The following PRKN variants were observed in gnomAD, a reference collection of about 807,000 sequenced individuals.
The protein encoded by PRKN is E3 ubiquitin-protein ligase parkin.
A neutral mutation model predicts 59.5 loss-of-function variants in PRKN; 56 were observed. That is an observed-to-expected ratio of 0.94 (90% CI 0.76 to 1.18). PRKN has a LOEUF of 1.18. Among genes scored for constraint, PRKN ranks in the 50% most tolerant of loss-of-function variants. The pLI, the probability that PRKN is intolerant of heterozygous loss-of-function variation, is 0.00. For synonymous variants in PRKN, 250 were observed against 222.1 expected (o/e 1.13, Z -1.12); for missense variants, 657 against 596.4 (o/e 1.10, Z -1.06).
chr6:162,095,356 G>A (rs549458667), intron 4 of PRKN, among the ~76,000 whole-genome samples: 1 of 152,268 alleles, frequency 6.6e-6, no homozygotes, highest in South Asian at 2.1e-4. Context: ...CCTTTGAGGG[G>A]AAGGTGCTTA....
chr6:162,077,029 A>G (rs924564212), intron 4 of PRKN, among the ~76,000 whole-genome samples: 2 of 152,070 alleles, frequency 1.3e-5, no homozygotes, highest in African/African-American at 4.8e-5. Context: ...GTGTCACTTC[A>G]GTCAGAGGGA....
intron 9 of PRKN, among the ~76,000 whole-genome samples, chr6:161,514,268 T>C (rs548967567): frequency 6.6e-6 from 1 of 152,252 alleles, no homozygotes; most frequent in Admixed American, 6.5e-5. Flanking sequence ...TTTATCCAAC[T>C]GGGCAAGGAC....
chr6:162,271,491 C>T (rs1453987904), intron 2 of PRKN: 1 of 150,782 alleles, frequency 6.6e-6, no homozygotes, highest in African/African-American at 2.4e-5. Flanking sequence ...TGCAGTGAAC[C>T]AAGATCGCAC....
rs758294050 is a variant in PRKN at position 161,766,314 on chromosome 6, A to ATTTTTTT, written c.871+19451_871+19457dup. Among the ~76,000 whole-genome samples, 391 of 139,628 alleles carry ATTTTTTT rather than the reference A, an allele frequency of 2.8e-3. 33 individuals are homozygous for ATTTTTTT. The highest frequency in any genetic ancestry group is 8.9e-3 in the East Asian group (42 of 4,732). 91.6% of individuals were successfully genotyped at this position (139,628 alleles called of 152,430 possible). A position where few individuals can be genotyped will look rare whatever the true frequency, so the allele number is the denominator to read the frequency against. On this transcript the variant is annotated intron_variant, in intron 7 of 11. Transcript: ENST00000366898. ...ACTTATGCCTGCTGTCATTGACCAC[A>ATTTTTTT]TTTTTTTTTTTTTAGACAGAGTCTC...
chr6:161,954,919 A>G (rs908838742), intron 6 of PRKN, among the ~76,000 whole-genome samples: 8 of 152,162 alleles, frequency 5.3e-5, no homozygotes, highest in East Asian at 1.9e-4. Flanking sequence ...TCAAAATCCA[A>G]TGGAAAAGAG....
chr6:161,999,621 A>G lies in PRKN; in HGVS notation c.619-26204T>C, dbSNP rs542906559. Among the ~76,000 whole-genome samples the G allele has an allele frequency of 3.9e-5, 6 of 152,220 alleles. No homozygotes were observed. In the East Asian group the frequency reaches 1.2e-3, roughly 29 times the overall value. On this transcript the variant is annotated intron_variant, in intron 5 of 11. Transcript: ENST00000366898. ...ACAATGCCCGAGCCAAGAAGGTGGC[A>G]AGAGGTGAGGAGTGATTGCACTATG...
chr6:161,348,989 G>T lies in PRKN; in HGVS notation c.*1110C>A, dbSNP rs1784425006. The T allele has an allele frequency of 4.9e-6, 1 of 205,118 alleles. No individual in the cohort carries two copies. Among genetic ancestry groups the T allele is most frequent in the Admixed American group, 6.0e-5 (1 of 16,786 alleles). The allele number at this position is 205,118 out of a possible 1,614,324, so 12.7% of individuals were successfully genotyped here. A position where few individuals can be genotyped will look rare whatever the true frequency, so the allele number is the denominator to read the frequency against. ...GTCCTAAGAGAAGGTCTCTCCTGGG[G>T]AACCCCTGGTATGCAGAGCTCCCTG... On this transcript the variant is annotated 3_prime_UTR_variant, in exon 12 of 12. Coordinates refer to ENST00000366898, the MANE Select transcript of PRKN (RefSeq NM_004562.3). The surrounding 1 kb of genome is among the most constrained non-coding windows in gnomAD (Gnocchi z 4.9).
chr6:161,768,392 G>A (rs1168370764), intron 7 of PRKN, among the ~76,000 whole-genome samples: 1 of 152,116 alleles, frequency 6.6e-6, no homozygotes, highest in Non-Finnish European at 1.5e-5. Context: ...ATAGGTAGCA[G>A]CAACGTAACT....
In PRKN at chr6:162,487,693, G is replaced by T. The variant is rs547428826; in HGVS notation, c.8-44220C>A. On this transcript the variant is annotated intron_variant, in intron 1 of 11. Coordinates refer to ENST00000366898, the MANE Select transcript of PRKN (RefSeq NM_004562.3). ...GACCAGAATTTTTTTTTTAAGTGAAGAATTCAACATAGAAACAACTATTAT... is the reference window on the plus strand; with the variant it reads ...GACCAGAATTTTTTTTTTAAGTGAATAATTCAACATAGAAACAACTATTAT... 2.6e-5 allele frequency among the ~76,000 whole-genome samples: 4 copies of T among 152,078 alleles called. No individual in the cohort carries two copies. In the South Asian group the frequency reaches 8.3e-4, roughly 32 times the overall value.
intron 7 of PRKN, among the ~76,000 whole-genome samples, chr6:161,666,956 C>A (rs907554266): frequency 1.8e-4 from 27 of 152,134 alleles, no homozygotes; most frequent in African/African-American, 5.8e-4. Flanking sequence ...TGTGCAAGAG[C>A]CAGGCACATG....
intron 3 of PRKN, among the ~76,000 whole-genome samples, chr6:162,209,656 A>AATGTGTCTTTGC (rs1785108570): frequency 1.3e-5 from 2 of 152,186 alleles, no homozygotes; most frequent in Admixed American, 1.3e-4. Context: ...ACACACGCAC[A>AATGTGTCTTTGC]TGTTTGCTTA....
chr6:162,639,513 AATAAACT>A (rs1777880063), intron 1 of PRKN, among the ~76,000 whole-genome samples: 1 of 152,142 alleles, frequency 6.6e-6, no homozygotes, highest in African/African-American at 2.4e-5. Flanking sequence ...CCAACAGGGC[AATAAACT>A]ATAATTTTTA....
chr6:161,496,233 G>A (rs767608050), intron 9 of PRKN, among the ~76,000 whole-genome samples: 8 of 152,180 alleles, frequency 5.3e-5, no homozygotes, highest in Non-Finnish European at 7.3e-5. Flanking sequence ...TGGGAGGATC[G>A]AGTGGCCTGA....
chr6:162,398,406 T>TTTC (rs1787590673), intron 2 of PRKN, among the ~76,000 whole-genome samples: 2 of 152,074 alleles, frequency 1.3e-5, no homozygotes, highest in Non-Finnish European at 2.9e-5. Flanking sequence ...TTTTTTTTTT[T>TTTC]TGAGACAGAG....
chr6:162,077,674 G>A (rs1441027573), intron 4 of PRKN, among the ~76,000 whole-genome samples: 1 of 151,884 alleles, frequency 6.6e-6, no homozygotes, highest in African/African-American at 2.4e-5. Flanking sequence ...TTTAGGTAAG[G>A]AAAAAATTAA....
At chr6:162,119,578 A>T (rs1377393341) in intron 4 of PRKN, among the ~76,000 whole-genome samples, 1 of 152,136 alleles carries the variant, frequency 6.6e-6, no homozygotes, top group African/African-American at 2.4e-5. Context: ...GCAAAATCAC[A>T]TGAGCTCAAG....
chr6:161,769,521 A>T (rs1464175241), intron 7 of PRKN, among the ~76,000 whole-genome samples: 1 of 152,160 alleles, frequency 6.6e-6, no homozygotes, highest in African/African-American at 2.4e-5. Flanking sequence ...TCTTTTTGAC[A>T]GAGGCTGCCA....
At chr6:162,084,928 A>T (rs528069999) in intron 4 of PRKN, among the ~76,000 whole-genome samples, 1 of 151,872 alleles carries the variant, frequency 6.6e-6, no homozygotes, top group Non-Finnish European at 1.5e-5. Flanking sequence ...AGTAACCTGA[A>T]CTTCATTTAG....
chr6:161,661,931 G>A (rs549759667), intron 7 of PRKN, among the ~76,000 whole-genome samples: 155 of 152,216 alleles, frequency 1.0e-3, no homozygotes, highest in African/African-American at 3.6e-3. Context: ...GCTGAGGCAG[G>A]TGGGTCATTT....
Sources: gnomAD v4.1 joint callset for allele counts (sites outside exome capture counted in the v4.1 genomes callset) on GRCh38, gnomAD v4.1.1 for gene constraint, Gnocchi (gnomAD v3.1) non-coding constraint, MANE v1.5 for transcripts, NCBI Gene and HGNC (gene_info 2026-07-23, HGNC 2026-07-21) for gene names.